The following KRABD3 variants were observed in gnomAD, a reference collection of about 807,000 sequenced individuals.
The protein encoded by KRABD3 is KRAB domain containing 3, also known as KRAB domain-containing protein 3.
chr7:149,722,493 A>ACCCCC, the KRABD3 span: 2 of 935,662 alleles, frequency 2.1e-6, no homozygotes, highest in Non-Finnish European at 3.2e-6. Flanking sequence ...CAGCCCTCCC[A>ACCCCC]CCCATAGCCC....
At chr7:149,732,241 C>T in the KRABD3 span, among the ~76,000 whole-genome samples, 1 of 152,210 alleles carries the variant, frequency 6.6e-6, no homozygotes. This position sits in a 1 kb window ranked among gnomAD's most constrained non-coding sequence, Gnocchi z 4.0. Context: ...GTGTTGGCTT[C>T]TGTCCAGGCG....
chr7:149,723,972 C>A, the KRABD3 span: 2 of 1,412,014 alleles, frequency 1.4e-6, no homozygotes, highest in Non-Finnish European at 1.9e-6. Flanking sequence ...TGGCCCCCAC[C>A]ACAAACACTC....
At chr7:149,733,396 G>A in the KRABD3 span, 1 of 1,609,454 alleles carries the variant, frequency 6.2e-7, no homozygotes, top group Non-Finnish European at 8.5e-7. Flanking sequence ...CGGAGAAGCT[G>A]GATCGGCTCG....
the KRABD3 span, chr7:149,719,369 T>C: frequency 1.7e-6 from 1 of 593,360 alleles, no homozygotes; most frequent in African/African-American, 1.9e-5. The surrounding 1 kb of genome is among the most constrained non-coding windows in gnomAD (Gnocchi z 5.6). Flanking sequence ...AGCGTGTCTC[T>C]GCAGAGACAC....
chr7:149,731,140 A>T, the KRABD3 span, among the ~76,000 whole-genome samples: 1 of 152,152 alleles, frequency 6.6e-6, no homozygotes, highest in South Asian at 2.1e-4. Flanking sequence ...GTGCTGGAGG[A>T]CGAGGACGAG....
the KRABD3 span, chr7:149,723,045 G>A: frequency 1.1e-5 from 13 of 1,140,718 alleles, no homozygotes; most frequent in Admixed American, 1.3e-4. Context: ...CTCCCTTAGG[G>A]ATCGTTACCA....
At chr7:149,720,259 C>A in the KRABD3 span, 1 of 1,014,870 alleles carries the variant, frequency 9.9e-7, no homozygotes, top group Non-Finnish European at 1.4e-6. Flanking sequence ...CCCAAGCTTT[C>A]ACCCCTCATC....
At chr7:149,726,577 A>G in the KRABD3 span, among the ~76,000 whole-genome samples, 1 of 151,578 alleles carries the variant, frequency 6.6e-6, no homozygotes, top group East Asian at 2.0e-4. Flanking sequence ...AGCTGGGGTT[A>G]TAGGTGTCCG....
At chr7:149,717,122 C>T in the KRABD3 span, among the ~76,000 whole-genome samples, 1 of 152,328 alleles carries the variant, frequency 6.6e-6, no homozygotes, top group Admixed American at 6.5e-5. Context: ...GTGCAACCAA[C>T]ATAGCTGGTA....
the KRABD3 span, chr7:149,725,573 TC>T: frequency 2.2e-6 from 3 of 1,341,884 alleles, no homozygotes; most frequent in South Asian, 2.9e-5. Flanking sequence ...GTCATTGTGT[TC>T]CCCGGCCTCC....
chr7:149,725,264 C>G, the KRABD3 span: 1 of 1,496,138 alleles, frequency 6.7e-7, no homozygotes, highest in South Asian at 1.3e-5. Flanking sequence ...GTCTGATGGG[C>G]AAGGCTGGAA....
chr7:149,723,920 C>T, the KRABD3 span: 1 of 1,609,014 alleles, frequency 6.2e-7, no homozygotes. Flanking sequence ...TGGGAGGGCC[C>T]CCAGACATCC....
the KRABD3 span, chr7:149,719,654 G>A: frequency 5.6e-6 from 9 of 1,607,822 alleles, no homozygotes; most frequent in Non-Finnish European, 7.6e-6. The surrounding 1 kb of genome is among the most constrained non-coding windows in gnomAD (Gnocchi z 5.6). Context: ...GGAGAACTAC[G>A]AGACGCTGGT....
the KRABD3 span, chr7:149,720,183 A>G: frequency 6.5e-7 from 1 of 1,541,870 alleles, no homozygotes; most frequent in Non-Finnish European, 8.8e-7. Flanking sequence ...CCTCAGCCCC[A>G]GGCAATGCGT....
chr7:149,727,872 C>G, the KRABD3 span, among the ~76,000 whole-genome samples: 1 of 152,178 alleles, frequency 6.6e-6, no homozygotes, highest in African/African-American at 2.4e-5. Flanking sequence ...TCTGCCCTTC[C>G]AGCCTGTGGA....
the KRABD3 span, chr7:149,720,123 C>T: frequency 1.3e-6 from 2 of 1,551,514 alleles, no homozygotes; most frequent in African/African-American, 1.4e-5. Flanking sequence ...GTGGAGATCC[C>T]CAGGGTAAGT....
At chr7:149,726,011 C>G in the KRABD3 span, 4 of 1,613,044 alleles carry the variant, frequency 2.5e-6, no homozygotes, top group South Asian at 4.4e-5. Context: ...CCGACTGGGA[C>G]CTGGATTTTG....
chr7:149,729,928 C>T, the KRABD3 span: 47 of 1,272,070 alleles, frequency 3.7e-5, no homozygotes, highest in Non-Finnish European at 4.6e-5. Context: ...CAGAAAGTTC[C>T]CCAGCAGACT....
At chr7:149,733,455 A>C in the KRABD3 span, 1 of 1,586,502 alleles carries the variant, frequency 6.3e-7, no homozygotes, top group Non-Finnish European at 8.6e-7. Context: ...ATGAGGACCC[A>C]GGTGAATCGG....
Sources: gnomAD v4.1 joint callset for allele counts (sites outside exome capture counted in the v4.1 genomes callset) on GRCh38, gnomAD v4.1.1 for gene constraint, Gnocchi (gnomAD v3.1) non-coding constraint, MANE v1.5 for transcripts, NCBI Gene and HGNC (gene_info 2026-07-23, HGNC 2026-07-21) for gene names.